VPS53: variants seen among roughly 807,000 people sequenced by gnomAD.
VPS53 encodes vacuolar protein sorting-associated protein 53 homolog.
Under a neutral mutation model 107.0 loss-of-function variants are expected in VPS53, and 70 were observed. The ratio of observed to expected loss-of-function variants is 0.65; its 90% CI spans 0.54 to 0.80. The LOEUF (loss-of-function observed/expected upper bound fraction) is 0.80. Ranked by LOEUF, VPS53 falls within the 30% of genes least tolerant of loss-of-function variation. The pLI is 0.00. For missense variants in VPS53, 917 were observed against 1,049.4 expected (o/e 0.87, Z 1.74); for synonymous variants, 409 against 393.3 (o/e 1.04, Z -0.47).
intron 11 of VPS53, among the ~76,000 whole-genome samples, chr17:621,010 A>C (rs9902798): frequency 6.6e-6 from 1 of 152,018 alleles, no homozygotes; most frequent in South Asian, 2.1e-4. Flanking sequence ...AAGTACACAC[A>C]AAGTATGTAA....
At chr17:523,151 A>G (rs1464745992) in intron 19 of VPS53, 2 of 152,900 alleles carry the variant, frequency 1.3e-5, no homozygotes, top group East Asian at 3.8e-4. Context: ...ACGAGCTCAC[A>G]CTGACTCCTG....
Position 554,712 on chromosome 17 carries a change from C to T in VPS53, c.1705-1250G>A, listed in dbSNP as rs569473676. On this transcript the variant is annotated intron_variant, in intron 15 of 21. Coordinates refer to ENST00000437048, the MANE Select transcript of VPS53 (RefSeq NM_001128159.3). ...AGCTGGGATTACAGGTGTGAGCCACCGTGCCAGGACAGAATAACCAATGTT... is the reference window on the plus strand; with the variant it reads ...AGCTGGGATTACAGGTGTGAGCCACTGTGCCAGGACAGAATAACCAATGTT... Among the ~76,000 whole-genome samples, 20 of 152,264 alleles carry T rather than the reference C, an allele frequency of 1.3e-4. No homozygotes were observed. In the East Asian group the frequency reaches 2.9e-3, roughly 22 times the overall value.
chr17:573,151 G>C (rs1159118819), intron 13 of VPS53, among the ~76,000 whole-genome samples: 1 of 152,208 alleles, frequency 6.6e-6, no homozygotes, highest in Non-Finnish European at 1.5e-5. Context: ...CAGGAGAATG[G>C]GCAGATATGG....
intron 4 of VPS53, among the ~76,000 whole-genome samples, chr17:694,257 C>A (rs1368839154): frequency 6.6e-6 from 1 of 152,168 alleles, no homozygotes; most frequent in Non-Finnish European, 1.5e-5. Context: ...TGTGGTCTTG[C>A]TCTGTGAAAT....
chr17:601,699 T>C (rs1030472806), intron 12 of VPS53, 96 bp downstream of exon 12: 11 of 894,956 alleles, frequency 1.2e-5, no homozygotes, highest in African/African-American at 1.7e-5. Flanking sequence ...TCTCTGAACG[T>C]GGCCAAGAGC....
rs578212203 is a variant in VPS53, at chr17:635,716, G to A, written c.609-4088C>T. ...AAGATCAGATGGTTGTAGATGTGTG[G>A]TATTATTTCTGAGGGCTCTGTTCTG... On this transcript the variant is annotated intron_variant, in intron 7 of 21. Coordinates refer to ENST00000437048, the MANE Select transcript of VPS53 (RefSeq NM_001128159.3). Among the ~76,000 whole-genome samples, 11 of 152,208 alleles carry A rather than the reference G, an allele frequency of 7.2e-5. No homozygotes were observed. The South Asian group carries it at 2.1e-3, about 29-fold the overall frequency.
chr17:574,081 C>G (rs1280186804), intron 13 of VPS53, among the ~76,000 whole-genome samples: 4 of 152,120 alleles, frequency 2.6e-5, no homozygotes, highest in Admixed American at 1.3e-4. Flanking sequence ...GTGCGTTGGG[C>G]ATTATTTTGT....
chr17:638,618 A>C (rs331002), intron 7 of VPS53, among the ~76,000 whole-genome samples: 150,674 of 152,174 alleles, frequency 0.99, 74,618 homozygotes, highest in East Asian at 1. Flanking sequence ...CTGGTGGTGA[A>C]AAAATCTCTC....
At chr17:664,672 T>G (rs1203962888) in intron 4 of VPS53, among the ~76,000 whole-genome samples, 2 of 152,140 alleles carry the variant, frequency 1.3e-5, no homozygotes, top group Non-Finnish European at 2.9e-5. Flanking sequence ...AAAGGGGCTG[T>G]GCAGGGGCAG....
chr17:622,899 A>T (rs1390210361), intron 11 of VPS53, among the ~76,000 whole-genome samples: 2 of 151,392 alleles, frequency 1.3e-5, no homozygotes, highest in African/African-American at 4.9e-5. Flanking sequence ...TATGTTGCCC[A>T]GGCTGGTCTC....
At chr17:559,936 G>A (rs1048013136) in intron 15 of VPS53, among the ~76,000 whole-genome samples, 1 of 152,200 alleles carries the variant, frequency 6.6e-6, no homozygotes, top group Non-Finnish European at 1.5e-5. Flanking sequence ...GTTCCTAAAC[G>A]TCAGCATCCC....
At position 607,480 on chromosome 17, in the gene VPS53, A is replaced by G. The variant is rs1014053417; in HGVS notation, c.1117-5584T>C. ...TTACTGCTCAGACTGACTTGCTAAG[A>G]TGAAAGAACAAGTCCTTGTGGGGAG... On this transcript the variant is annotated intron_variant, in intron 11 of 21. Coordinates refer to ENST00000437048, the MANE Select transcript of VPS53 (RefSeq NM_001128159.3). 2.6e-5 allele frequency among the ~76,000 whole-genome samples: 4 copies of G among 152,238 alleles called. No individual in the cohort carries two copies. The East Asian group carries it at 7.7e-4, about 29-fold the overall frequency.
At position 560,497 on chromosome 17, in the gene VPS53, T is replaced by C; in HGVS notation, c.1633A>G (p.Thr545Ala). 6.2e-7 allele frequency: 1 copy of C among 1,613,542 alleles called. No homozygotes were observed. Among genetic ancestry groups the C allele is most frequent in the Non-Finnish European group, 8.5e-7 (1 of 1,180,006 alleles). Residue 545 changes from threonine (T) to alanine (A), a missense_variant, in exon 15 of 22, where the codon ACT (threonine) becomes GCT (alanine). By Grantham distance (58) the Thr-to-Ala change is moderately conservative. Coordinates refer to ENST00000437048, the MANE Select transcript of VPS53 (RefSeq NM_001128159.3). ...EKEGSEVAKF[T>A]LEELCLICNI... ...CAGATGAGGCAGAGCTCCTCCAGAG[T>C]GAACTTGGCTACTTCTGAGCCCTCC...
intron 8 of VPS53, among the ~76,000 whole-genome samples, chr17:630,051 T>G (rs1039043803): frequency 4.6e-5 from 7 of 152,122 alleles, no homozygotes; most frequent in Non-Finnish European, 8.8e-5. Flanking sequence ...CCCAGCACTT[T>G]GGGAGGCCGA....
At chr17:602,096 C>T (rs968695594) in intron 11 of VPS53, among the ~76,000 whole-genome samples, 200 bp from the exon 12 acceptor site, 9 of 152,164 alleles carry the variant, frequency 5.9e-5, no homozygotes, top group Non-Finnish European at 1.2e-4. Context: ...CCCGACCACC[C>T]CGCCCCAACT....
At chr17:708,894 AC>A (rs1973523652) in intron 2 of VPS53, among the ~76,000 whole-genome samples, 1 of 152,138 alleles carries the variant, frequency 6.6e-6, no homozygotes, top group Admixed American at 6.5e-5. Flanking sequence ...TACTTATTTA[AC>A]TATTTTCTTT....
intron 11 of VPS53, among the ~76,000 whole-genome samples, chr17:605,334 C>A (rs1968515485): frequency 6.6e-6 from 1 of 152,064 alleles, no homozygotes; most frequent in Admixed American, 6.5e-5. Context: ...GAAAAGGTCT[C>A]TGAGGAGATG....
chr17:662,071 G>A (rs962125425), intron 4 of VPS53, among the ~76,000 whole-genome samples, 176 bp from the exon 5 acceptor site: 10 of 152,078 alleles, frequency 6.6e-5, no homozygotes, highest in South Asian at 2.1e-4. Context: ...CAGTGGCTGC[G>A]AACAGGTAAA....
chr17:527,026 T>A (rs1352457252), intron 19 of VPS53, among the ~76,000 whole-genome samples: 1 of 152,244 alleles, frequency 6.6e-6, no homozygotes, highest in Non-Finnish European at 1.5e-5. Context: ...GGTGGACACA[T>A]GTTCTATTTC....
Sources: allele counts gnomAD v4.1 joint callset (sites outside exome capture counted in the v4.1 genomes callset), GRCh38; gene constraint gnomAD v4.1.1; transcripts MANE v1.5; gene names NCBI Gene and HGNC (gene_info 2026-07-23, HGNC 2026-07-21).